Variants in PIK3CD observed in about 807,000 individuals in gnomAD.
PIK3CD encodes the protein phosphatidylinositol-4,5-bisphosphate 3-kinase catalytic subunit delta.
A neutral mutation model predicts 122.9 loss-of-function variants in PIK3CD; 20 were observed. The ratio of observed to expected loss-of-function variants is 0.16; its 90% CI spans 0.11 to 0.24. The LOEUF (loss-of-function observed/expected upper bound fraction) is 0.24, where lower values mean the gene tolerates loss of function less well. Ranked by LOEUF, PIK3CD falls within the 10% of genes least tolerant of loss-of-function variation. The pLI is 1.00. For synonymous variants in PIK3CD, 596 were observed against 593.4 expected (o/e 1.00, Z -0.06); for missense variants, 787 against 1,406.3 (o/e 0.56, Z 7.04).
At position 9,715,417 on chromosome 1, in the gene PIK3CD, TC is replaced by T; in HGVS notation, c.142-123del. On this transcript the variant is annotated intron_variant, in intron 3 of 23. Transcript: ENST00000377346. The surrounding 1 kb of genome is among the most constrained non-coding windows in gnomAD (Gnocchi z 4.1). ...GCTGCAGAGAGTGCAGATCTTGGGG[TC>T]TGCCTCTGCCCTCTGGGAGGTTTGG... is the stretch of plus-strand genomic sequence containing the variant. The T allele has an allele frequency of 1.4e-6, 1 of 713,186 alleles. No homozygotes were observed. 44.2% of individuals were successfully genotyped at this position (713,186 alleles called of 1,614,324 possible).
chr1:9,647,671 T>C (rs2100647736), upstream of PIK3CD, among the ~76,000 whole-genome samples: 1 of 151,982 alleles, frequency 6.6e-6, no homozygotes, highest in South Asian at 2.1e-4. Flanking sequence ...CATGCCTGGC[T>C]AATGTTTTAT....
At chr1:9,707,149 G>C (rs1646865504) in intron 2 of PIK3CD, among the ~76,000 whole-genome samples, 1 of 151,684 alleles carries the variant, frequency 6.6e-6, no homozygotes, top group African/African-American at 2.4e-5. Context: ...CTGGTAACCT[G>C]GACGTTACCT....
chr1:9,663,270 C>T (rs1181787865), intron 1 of PIK3CD, among the ~76,000 whole-genome samples: 1 of 152,208 alleles, frequency 6.6e-6, no homozygotes. Flanking sequence ...TGTTCAGGGC[C>T]TCCCACCAGG....
At chr1:9,657,313 G>T (rs1199309369) in intron 1 of PIK3CD, among the ~76,000 whole-genome samples, 1 of 152,124 alleles carries the variant, frequency 6.6e-6, no homozygotes, top group Non-Finnish European at 1.5e-5. Flanking sequence ...AGGTCCTGGG[G>T]GTTAAGACCT....
In PIK3CD at chr1:9,720,532, G is replaced by A. The variant is rs1369856991; in HGVS notation, c.1471-79G>A. ...ACAGCGCCCCCTCAAGGATGATTGG[G>A]GTGGCAATGCCCGGCCTGGGGGTCC... On this transcript the variant is annotated intron_variant, in intron 11 of 23. Transcript: ENST00000377346. This position sits in a 1 kb window ranked among gnomAD's most constrained non-coding sequence, Gnocchi z 9.0. The A allele has an allele frequency of 1.3e-6, 2 of 1,544,850 alleles. No homozygotes were observed. Among genetic ancestry groups the A allele is most frequent in the East Asian group, 4.9e-5 (2 of 40,774 alleles).
chr1:9,643,146 T>C, the PIK3CD span, among the ~76,000 whole-genome samples: 10 of 151,300 alleles, frequency 6.6e-5, no homozygotes, highest in Non-Finnish European at 1.5e-4. Flanking sequence ...TGGTGGCTCA[T>C]GCCTGTAATC....
intron 1 of PIK3CD, among the ~76,000 whole-genome samples, chr1:9,666,660 AG>A (rs1645169374): frequency 6.6e-6 from 1 of 152,116 alleles, no homozygotes; most frequent in Admixed American, 6.6e-5. Flanking sequence ...TGGGCAACAT[AG>A]TGAGACCCTC....
At chr1:9,706,341 A>T (rs79887079) in intron 2 of PIK3CD, among the ~76,000 whole-genome samples, 1 of 151,622 alleles carries the variant, frequency 6.6e-6, no homozygotes, top group South Asian at 2.1e-4. Flanking sequence ...AAAAAAAAAA[A>T]AGTTAGCAGG....
chr1:9,713,550 G>A (rs973359578), intron 3 of PIK3CD, among the ~76,000 whole-genome samples: 1 of 151,790 alleles, frequency 6.6e-6, no homozygotes, highest in Non-Finnish European at 1.5e-5. Flanking sequence ...TGAGTTAACG[G>A]TATAACATTT....
rs1271723737 is a variant in PIK3CD at position 9,717,923 on chromosome 1, G to A, written c.1020+297G>A. Among the ~76,000 whole-genome samples the A allele has an allele frequency of 6.6e-6, 1 of 152,196 alleles. No individual in the cohort carries two copies. The highest frequency in any genetic ancestry group is 2.4e-5 in the African/African-American group (1 of 41,444). ...CCCAGGGATCCGGGACCGCAGAGCT[G>A]GGGGAAGGGCCGGGCATGGAAGAGG... On this transcript the variant is annotated intron_variant, in intron 8 of 23. Transcript: ENST00000377346. This position sits in a 1 kb window ranked among gnomAD's most constrained non-coding sequence, Gnocchi z 5.4.
chr1:9,693,932 C>T (rs932163270), intron 2 of PIK3CD, among the ~76,000 whole-genome samples: 1 of 152,106 alleles, frequency 6.6e-6, no homozygotes, highest in African/African-American at 2.4e-5. Context: ...GGTAGGGTGA[C>T]AGACCACCCC....
rs1645983226 is a variant in PIK3CD at position 9,686,841 on chromosome 1, T to C, written c.-137-4626T>C. Reference sequence around the variant, plus strand: ...GCAAGTCACTTGGTCTCCTTGTGTCTGTTATCCATGTGTGAGAGCCAATAC... The same window carrying C: ...GCAAGTCACTTGGTCTCCTTGTGTCCGTTATCCATGTGTGAGAGCCAATAC... On this transcript the variant is annotated intron_variant, in intron 1 of 23. Coordinates refer to ENST00000377346, the MANE Select transcript of PIK3CD (RefSeq NM_005026.5). Among the ~76,000 whole-genome samples, 3 of 152,250 alleles carry C rather than the reference T, an allele frequency of 2.0e-5. No homozygotes were observed. The South Asian group carries it at 6.2e-4, about 31-fold the overall frequency.
rs1256434264 is a variant in PIK3CD, at chr1:9,723,945, T to C, written c.2595-24T>C. ...GCGGAGCTGCAAAATGGTATGGCCA[T>C]GCTTTTTAATCTTCCCCACCCAGGG... On this transcript the variant is annotated intron_variant, in intron 20 of 23. Coordinates refer to ENST00000377346, the MANE Select transcript of PIK3CD (RefSeq NM_005026.5). The surrounding 1 kb of genome is among the most constrained non-coding windows in gnomAD (Gnocchi z 4.9). 6.2e-7 allele frequency: 1 copy of C among 1,613,204 alleles called. No homozygotes were observed. Among genetic ancestry groups the C allele is most frequent in the Non-Finnish European group, 8.5e-7 (1 of 1,179,210 alleles).
intron 1 of PIK3CD, among the ~76,000 whole-genome samples, chr1:9,684,536 C>CA (rs887585173): frequency 0.049 from 3,272 of 67,014 alleles, 130 homozygotes; most frequent in African/African-American, 0.15. Context: ...GACTCCGTCT[C>CA]AAAAAAAAAA....
At chr1:9,721,289 GC>G in intron 14 of PIK3CD, 41 bp downstream of exon 14, 1 of 1,612,652 alleles carries the variant, frequency 6.2e-7, no homozygotes, top group Non-Finnish European at 8.5e-7. Flanking sequence ...CCAGAGGGCA[GC>G]TGTGTCCTGG....
At chr1:9,629,769 T>TC in the PIK3CD span, among the ~76,000 whole-genome samples, 1 of 151,672 alleles carries the variant, frequency 6.6e-6, no homozygotes, top group Non-Finnish European at 1.5e-5. Flanking sequence ...GCCCTAAGGC[T>TC]CCCCCACCCC....
chr1:9,656,384 A>C (rs1156834951), intron 1 of PIK3CD, among the ~76,000 whole-genome samples: 1 of 152,122 alleles, frequency 6.6e-6, no homozygotes, highest in Non-Finnish European at 1.5e-5. Flanking sequence ...GGCACTCAAA[A>C]ATTTTGGATT....
intron 3 of PIK3CD, among the ~76,000 whole-genome samples, chr1:9,713,039 C>G (rs1647119874): frequency 6.6e-6 from 1 of 152,124 alleles, no homozygotes; most frequent in South Asian, 2.1e-4. Context: ...AAAAATTAGC[C>G]AGGTGTGGTG....
chr1:9,650,939 G>C (rs974311000), upstream of PIK3CD, among the ~76,000 whole-genome samples: 17 of 152,236 alleles, frequency 1.1e-4, no homozygotes, highest in African/African-American at 3.9e-4. Flanking sequence ...CATTTCCCTG[G>C]CTCAAGCCAT....
Sources: gnomAD v4.1 joint callset for allele counts (sites outside exome capture counted in the v4.1 genomes callset) on GRCh38, gnomAD v4.1.1 for gene constraint, Gnocchi (gnomAD v3.1) non-coding constraint, MANE v1.5 for transcripts, NCBI Gene and HGNC (gene_info 2026-07-23, HGNC 2026-07-21) for gene names.